Variants in NDUFS1 observed in about 807,000 individuals in gnomAD.
NDUFS1 encodes the protein NADH-ubiquinone oxidoreductase 75 kDa subunit, mitochondrial.
In NDUFS1, 61 loss-of-function variants were observed where a neutral mutation model predicts 84.4. The observed-to-expected ratio is 0.72, with a 90% CI of 0.59 to 0.89. NDUFS1 has a LOEUF of 0.89. Ranked by LOEUF, NDUFS1 falls within the 40% of genes least tolerant of loss-of-function variation. NDUFS1 has a pLI of 0.00. For synonymous variants in NDUFS1, 275 were observed against 290.0 expected (o/e 0.95, Z 0.53); for missense variants, 891 against 890.0 (o/e 1.00, Z -0.01).
At chr2:206,129,883 C>T (rs1481478276) in intron 15 of NDUFS1, among the ~76,000 whole-genome samples, 1 of 152,010 alleles carries the variant, frequency 6.6e-6, no homozygotes, top group African/African-American at 2.4e-5. Flanking sequence ...TGAGCCACCG[C>T]ACCCGGCAGG....
chr2:206,127,870 T>G lies in NDUFS1; in HGVS notation c.1811A>C (p.Gln604Pro). 1 of 1,614,174 alleles carries G rather than the reference T, an allele frequency of 6.2e-7. No homozygotes were observed. Among genetic ancestry groups the G allele is most frequent in the Non-Finnish European group, 8.5e-7 (1 of 1,180,018 alleles). ...AGGTGTCACTGCTACCTTAGTCTGC[T>G]GAGCTCTACCCTCAGTGTTGACATA... ...ATYVNTEGRAQQTKVAVTPPG... is the reference protein window; with the variant it reads ...ATYVNTEGRAPQTKVAVTPPG... Residue 604 changes from glutamine to proline, a missense_variant, in exon 16 of 19, where the codon CAG (glutamine) becomes CCG (proline). By Grantham distance (76) the Gln-to-Pro change is moderately conservative (BLOSUM62 -1). Coordinates refer to ENST00000233190, the MANE Select transcript of NDUFS1 (RefSeq NM_005006.7).
rs1690952415 is a variant in NDUFS1 at position 206,116,655 on chromosome 2, G to T, written c.*7530C>A. ...AATTCCAGAACTTTGGGAGGTCAAG[G>T]TGGGAGGAGCGCCTGGGCCCAGGGG... On this transcript the variant is annotated 3_prime_UTR_variant, in exon 19 of 19. Coordinates refer to ENST00000233190, the MANE Select transcript of NDUFS1 (RefSeq NM_005006.7). The T allele has an allele frequency of 2.4e-6, 1 of 420,564 alleles. No individual in the cohort carries two copies. Among genetic ancestry groups the T allele is most frequent in the Non-Finnish European group, 4.4e-6 (1 of 226,638 alleles). The allele number at this position is 420,564 out of a possible 1,614,324, so 26.1% of individuals were successfully genotyped here. A position where few individuals can be genotyped will look rare whatever the true frequency, so the allele number is the denominator to read the frequency against.
At chr2:206,130,970 A>C (rs1254843953) in intron 14 of NDUFS1, among the ~76,000 whole-genome samples, 1 of 152,236 alleles carries the variant, frequency 6.6e-6, no homozygotes, top group African/African-American at 2.4e-5. Context: ...AAAAACCATA[A>C]TGAGAAAACC....
chr2:206,125,470 TAC>T (rs373368439), intron 18 of NDUFS1, among the ~76,000 whole-genome samples: 127 of 148,416 alleles, frequency 8.6e-4, no homozygotes, highest in Middle Eastern at 3.4e-3. Flanking sequence ...TCAAAAATTA[TAC>T]ACACACACAC....
At chr2:206,144,450 A>C (rs2105970503) in intron 9 of NDUFS1, among the ~76,000 whole-genome samples, 1 of 152,378 alleles carries the variant, frequency 6.6e-6, no homozygotes, top group South Asian at 2.1e-4. Context: ...CAGCTAAAAA[A>C]GTCAAATCAT....
chr2:206,121,222 G>C lies in NDUFS1; in HGVS notation c.*2963C>G, dbSNP rs1213737136. 1.3e-5 allele frequency: 2 copies of C among 152,062 alleles called. No individual in the cohort carries two copies. Among genetic ancestry groups the C allele is most frequent in the African/African-American group, 4.8e-5 (2 of 41,412 alleles). The allele number at this position is 152,062 out of a possible 1,614,324, so 9.4% of individuals were successfully genotyped here. ...TAAAGAGACTTGATCTTGAGCCTTTGTAGATTTTCTCATTGGTGATTCCTT... is the reference window on the plus strand; with the variant it reads ...TAAAGAGACTTGATCTTGAGCCTTTCTAGATTTTCTCATTGGTGATTCCTT... On this transcript the variant is annotated 3_prime_UTR_variant, in exon 19 of 19. Coordinates refer to ENST00000233190, the MANE Select transcript of NDUFS1 (RefSeq NM_005006.7).
In NDUFS1 at chr2:206,117,530, G is replaced by C. The variant is rs1033541205; in HGVS notation, c.*6655C>G. The C allele has an allele frequency of 2.6e-5, 4 of 152,216 alleles. No individual in the cohort carries two copies. Among genetic ancestry groups the C allele is most frequent in the African/African-American group, 9.6e-5 (4 of 41,452 alleles). The allele number at this position is 152,216 out of a possible 1,614,324, so 9.4% of individuals were successfully genotyped here. ...GATCACTGCAACCTCCGCCTCCCAG[G>C]TTTAAGCAATTCTCTGACTCAGCCT... On this transcript the variant is annotated 3_prime_UTR_variant, in exon 19 of 19. Transcript: ENST00000233190.
chr2:206,150,012 C>T, intron 3 of NDUFS1, 87 bp from the exon 4 acceptor site: 3 of 767,362 alleles, frequency 3.9e-6, no homozygotes, highest in East Asian at 2.6e-5. Flanking sequence ...ACACATACAG[C>T]ATCTTATTAC....
chr2:206,148,868 T>C (rs532538159), intron 5 of NDUFS1, 152 bp downstream of exon 5: 8 of 649,082 alleles, frequency 1.2e-5, no homozygotes, highest in Middle Eastern at 4.1e-4. Flanking sequence ...TTCTCTACTA[T>C]GTAGTACTCA....
chr2:206,137,257 C>A (rs901203998), intron 13 of NDUFS1, among the ~76,000 whole-genome samples: 1 of 151,986 alleles, frequency 6.6e-6, no homozygotes, highest in Non-Finnish European at 1.5e-5. Flanking sequence ...GAGTGGACCA[C>A]AAAGTCAGGA....
intron 14 of NDUFS1, among the ~76,000 whole-genome samples, 196 bp from the exon 15 acceptor site, chr2:206,130,438 T>G (rs1691468503): frequency 6.6e-6 from 1 of 152,210 alleles, no homozygotes; most frequent in African/African-American, 2.4e-5. Flanking sequence ...CACTGTAACC[T>G]CTGCCTCCTG....
rs1228496080 is a variant in NDUFS1 at position 206,133,052 on chromosome 2, T to G, written c.1446A>C (p.Gln482His). The G allele has an allele frequency of 6.2e-7, 1 of 1,613,938 alleles. No individual in the cohort carries two copies. The highest frequency in any genetic ancestry group is 1.3e-5 in the African/African-American group (1 of 75,056). Residue 482 changes from glutamine (Q) to histidine (H), a missense_variant, in exon 14 of 19, where the codon CAA becomes CAC. Physicochemically the swap from Gln to His is conservative, Grantham distance 24. Coordinates refer to ENST00000233190, the MANE Select transcript of NDUFS1 (RefSeq NM_005006.7). ...PMVVLGSSAL[Q>H]RNDGAAILAA... Reference sequence around the variant, plus strand: ...CAAGAATTGCTGCTCCATCATTTCTTTGGAGTGCAGAACTGCCTAAAACCA... The same window carrying G: ...CAAGAATTGCTGCTCCATCATTTCTGTGGAGTGCAGAACTGCCTAAAACCA...
rs763378573 is a variant in NDUFS1 at position 206,142,712 on chromosome 2, T to C, written c.1107A>G (p.Glu369=). Residue 369 remains glutamate, a synonymous_variant, in exon 11 of 19, where the codon GAA becomes GAG. Coordinates refer to ENST00000233190, the MANE Select transcript of NDUFS1 (RefSeq NM_005006.7). ...CAGCTCCTGCAGTGGGGAAGACCTC[T>C]TCAGTGCATAAGGTGTCAGAGTCCA... ...NRVDSDTLCT[E]EVFPTAGAGT... is the part of the protein sequence containing the mutation. The C allele has an allele frequency of 6.2e-7, 1 of 1,614,194 alleles. No individual in the cohort carries two copies. The highest frequency in any genetic ancestry group is 2.2e-5 in the East Asian group (1 of 44,894).
At chr2:206,154,580 A>C (rs1368186388) in intron 1 of NDUFS1, among the ~76,000 whole-genome samples, 2 of 152,196 alleles carry the variant, frequency 1.3e-5, no homozygotes, top group Non-Finnish European at 2.9e-5. Flanking sequence ...CACGACTTAA[A>C]GACACACAAA....
chr2:206,157,792 G>A (rs1184446820), intron 1 of NDUFS1, among the ~76,000 whole-genome samples: 3 of 152,058 alleles, frequency 2.0e-5, no homozygotes, highest in African/African-American at 7.2e-5. Flanking sequence ...TATCTCTTTG[G>A]ATGGAAAATG....
chr2:206,135,087 C>T (rs1489445023), intron 13 of NDUFS1, among the ~76,000 whole-genome samples: 3 of 151,474 alleles, frequency 2.0e-5, no homozygotes, highest in East Asian at 2.0e-4. Context: ...GGCATGATCT[C>T]GGCTCACTGT....
intron 1 of NDUFS1, among the ~76,000 whole-genome samples, chr2:206,155,688 G>A (rs1687622458): frequency 6.6e-6 from 1 of 152,154 alleles, no homozygotes; most frequent in East Asian, 2.0e-4. Context: ...AAAGTGCTGG[G>A]ATTACAGGTG....
intron 12 of NDUFS1, among the ~76,000 whole-genome samples, chr2:206,141,678 G>A (rs925480091): frequency 1.2e-4 from 18 of 149,736 alleles, no homozygotes; most frequent in African/African-American, 4.4e-4. Context: ...GGATCACGAG[G>A]TCAGGAAATC....
chr2:206,124,787 C>T (rs1691223946), intron 18 of NDUFS1, among the ~76,000 whole-genome samples: 2 of 151,072 alleles, frequency 1.3e-5, no homozygotes, highest in South Asian at 2.1e-4. Flanking sequence ...TGCAGTGAGC[C>T]GAGATCACAC....
Sources: gnomAD v4.1 joint callset for allele counts (sites outside exome capture counted in the v4.1 genomes callset) on GRCh38, gnomAD v4.1.1 for gene constraint, MANE v1.5 for transcripts, NCBI Gene and HGNC (gene_info 2026-07-23, HGNC 2026-07-21) for gene names.